The following NOP58 variants were observed in gnomAD, a reference collection of about 807,000 sequenced individuals.
NOP58 encodes the protein NOP58 ribonucleoprotein.
NOP58 carries 44 observed loss-of-function variants against 71.2 expected under a neutral mutation model. The ratio of observed to expected loss-of-function variants is 0.62; its 90% confidence interval spans 0.49 to 0.79. The LOEUF (loss-of-function observed/expected upper bound fraction) is 0.79. Ranked by LOEUF, NOP58 falls within the 30% of genes least tolerant of loss-of-function variation. The pLI is 0.00. For missense variants in NOP58, 538 were observed against 620.2 expected (o/e 0.87, Z 1.41); for synonymous variants, 228 against 200.3 (o/e 1.14, Z -1.17).
At position 202,280,514 on chromosome 2, in the gene NOP58, G is replaced by A. The variant is rs181327330; in HGVS notation, c.176-1837G>A. On this transcript the variant is annotated intron_variant, in intron 3 of 14. Coordinates refer to ENST00000264279, the MANE Select transcript of NOP58 (RefSeq NM_015934.5). ...GTCCAGCTAATTTTTGTATTTTTTA[G>A]TAGAGACGGGGTTTTGCCTGTTGGC... Among the ~76,000 whole-genome samples, 4 of 152,198 alleles carry A rather than the reference G, an allele frequency of 2.6e-5. No individual in the cohort carries two copies. The East Asian group carries it at 7.7e-4, about 29-fold the overall frequency.
chr2:202,281,417 G>A (rs1377994266), intron 3 of NOP58, among the ~76,000 whole-genome samples: 2 of 152,044 alleles, frequency 1.3e-5, no homozygotes, highest in African/African-American at 2.4e-5. Flanking sequence ...GAGCCACCAC[G>A]CGCAGCCCAA....
At chr2:202,274,289 G>C (rs536395189) in intron 1 of NOP58, among the ~76,000 whole-genome samples, 79 of 151,842 alleles carry the variant, frequency 5.2e-4, no homozygotes, top group African/African-American at 1.6e-3. Context: ...GTGCAGTCGC[G>C]CAATCTCGGC....
intron 13 of NOP58, among the ~76,000 whole-genome samples, chr2:202,300,633 G>A (rs1689075111): frequency 6.6e-6 from 1 of 152,138 alleles, no homozygotes; most frequent in East Asian, 1.9e-4. Flanking sequence ...GAACTATTTG[G>A]AGAATTAAGA....
intron 9 of NOP58, chr2:202,293,156 T>C (rs1688932164): frequency 3.0e-6 from 2 of 670,634 alleles, no homozygotes; most frequent in Non-Finnish European, 5.6e-6. Flanking sequence ...TGTTAGAAGT[T>C]TGTTAGGGTT....
At chr2:202,271,447 ATCCCAGCTACTTGG>A (rs1189227614) in intron 1 of NOP58, among the ~76,000 whole-genome samples, 4 of 151,562 alleles carry the variant, frequency 2.6e-5, no homozygotes, top group Non-Finnish European at 5.9e-5. Context: ...TGTGCCTGTA[ATCCCAGCTACTTGG>A]GAGGCTGAGG....
At chr2:202,275,421 A>G (rs186227245) in intron 2 of NOP58, 44 of 423,372 alleles carry the variant, frequency 1.0e-4, no homozygotes, top group African/African-American at 8.5e-4. Context: ...ATTATGTTCC[A>G]GAAGACCCTG....
chr2:202,287,365 C>T (rs1033366771), intron 5 of NOP58, among the ~76,000 whole-genome samples: 1 of 152,004 alleles, frequency 6.6e-6, no homozygotes, highest in African/African-American at 2.4e-5. Flanking sequence ...CACGCCCAGT[C>T]CAATATGACT....
rs373864064 is a variant in NOP58, at chr2:202,271,583, AAAG to A, written c.46-3527_46-3525del. ...GACTCCGTCTCAAAAATAAAAAAAA[AAAG>A]AATAGCATGTTAAATTTTGTGAAAT... On this transcript the variant is annotated intron_variant, in intron 1 of 14. Transcript: ENST00000264279. Among the ~76,000 whole-genome samples the A allele has an allele frequency of 7.5e-3, 1,148 of 152,202 alleles. 11 individuals are homozygous for A. Among genetic ancestry groups the A allele is most frequent in the African/African-American group, 0.026 (1,068 of 41,532 alleles).
In NOP58 at chr2:202,291,250, A is replaced by G; in HGVS notation, c.760A>G (p.Ile254Val). The G allele has an allele frequency of 1.2e-6, 2 of 1,608,766 alleles. No homozygotes were observed. Among genetic ancestry groups the G allele is most frequent in the Non-Finnish European group, 1.7e-6 (2 of 1,178,582 alleles). Reference sequence around the variant, plus strand: ...GGTTTCAGAAGAAGATATTTGCAATATTCTGCATCTTTGCACCCAGGTAAA... The same window carrying G: ...GGTTTCAGAAGAAGATATTTGCAATGTTCTGCATCTTTGCACCCAGGTAAA... ...TEVSEEDICN[I>V]LHLCTQVIEI... The change falls in exon 8 of 15, where the codon ATT becomes GTT. Residue 254 changes from isoleucine to valine, a missense_variant. Coordinates refer to ENST00000264279, the MANE Select transcript of NOP58 (RefSeq NM_015934.5).
chr2:202,298,523 G>A (rs1441588085), intron 12 of NOP58, among the ~76,000 whole-genome samples: 1 of 151,822 alleles, frequency 6.6e-6, no homozygotes. Context: ...GTGGTGGCGG[G>A]CACCTGGCTG....
chr2:202,267,892 C>T (rs1053172346), intron 1 of NOP58, among the ~76,000 whole-genome samples: 4 of 152,202 alleles, frequency 2.6e-5, no homozygotes, highest in Admixed American at 1.3e-4. Context: ...TGCTATTTAT[C>T]TGCAAGTTAC....
chr2:202,303,338 C>T (rs774875927), intron 14 of NOP58, 48 bp from the exon 15 acceptor site: 1 of 1,606,354 alleles, frequency 6.2e-7, no homozygotes, highest in Non-Finnish European at 8.5e-7. Context: ...TGATTACTCA[C>T]CCATACAATT....
At chr2:202,280,814 G>A (rs1251951161) in intron 3 of NOP58, among the ~76,000 whole-genome samples, 1 of 149,216 alleles carries the variant, frequency 6.7e-6, no homozygotes, top group Non-Finnish European at 1.5e-5. Flanking sequence ...TGGAGTACAG[G>A]GGCGCGATCC....
At chr2:202,267,153 C>T (rs538662492) in intron 1 of NOP58, among the ~76,000 whole-genome samples, 1 of 152,274 alleles carries the variant, frequency 6.6e-6, no homozygotes, top group East Asian at 1.9e-4. Context: ...TGCGGTGCAA[C>T]TCTTCTGAGG....
At chr2:202,303,191 C>A in intron 14 of NOP58, 134 bp downstream of exon 14, 1 of 1,305,896 alleles carries the variant, frequency 7.7e-7, no homozygotes, top group Non-Finnish European at 1.1e-6. Context: ...AGTGAAATGG[C>A]TTTGTTGTAT....
intron 1 of NOP58, among the ~76,000 whole-genome samples, chr2:202,272,753 A>G (rs1011261341): frequency 9.2e-5 from 14 of 152,240 alleles, no homozygotes; most frequent in Admixed American, 9.2e-4. Flanking sequence ...AATAGGGGAT[A>G]TGACTCATGA....
chr2:202,297,588 C>A (rs1039061174), intron 11 of NOP58, 75 bp downstream of exon 11: 2 of 1,426,758 alleles, frequency 1.4e-6, no homozygotes, highest in South Asian at 1.3e-5. Flanking sequence ...TTATTAACTT[C>A]ATCTGCTAAA....
At chr2:202,295,556 A>G in intron 9 of NOP58, 118 bp from the exon 10 acceptor site, 2 of 715,078 alleles carry the variant, frequency 2.8e-6, no homozygotes, top group Non-Finnish European at 4.4e-6. Flanking sequence ...AGAATTCTAT[A>G]TTATATGTGA....
chr2:202,282,588 T>C, intron 4 of NOP58, 116 bp downstream of exon 4: 2 of 1,030,158 alleles, frequency 1.9e-6, no homozygotes. Context: ...ATTTTTTTCT[T>C]TTCTCTAAGC....
Sources: gnomAD v4.1 joint callset for allele counts (sites outside exome capture counted in the v4.1 genomes callset) on GRCh38, gnomAD v4.1.1 for gene constraint, MANE v1.5 for transcripts, NCBI Gene and HGNC (gene_info 2026-07-23, HGNC 2026-07-21) for gene names.